The following SOX6 variants were observed in gnomAD, a reference collection of about 807,000 sequenced individuals.
SOX6 encodes transcription factor SOX-6.
Under a neutral mutation model 97.8 loss-of-function variants are expected in SOX6, and 11 were observed. The observed-to-expected ratio is 0.11, with a 90% CI of 0.07 to 0.19. The LOEUF is 0.19. Among genes scored for constraint, SOX6 ranks in the 10% least tolerant of loss-of-function variants. SOX6 has a pLI of 1.00. For missense variants in SOX6, 810 were observed against 1,039.5 expected, an observed-to-expected ratio of 0.78 and a Z score of 3.04; for synonymous variants, 360 against 371.4, an observed-to-expected ratio of 0.97 and a Z score of 0.35.
At chr11:16,462,357 C>A (rs1334105423) in intron 1 of SOX6, among the ~76,000 whole-genome samples, 1 of 152,180 alleles carries the variant, frequency 6.6e-6, no homozygotes, top group Non-Finnish European at 1.5e-5. Context: ...CTGGTACTGT[C>A]TTGGGAGTTT....
intron 1 of SOX6, among the ~76,000 whole-genome samples, chr11:16,418,443 T>G (rs1858966127): frequency 2.0e-5 from 3 of 152,126 alleles, no homozygotes; most frequent in Admixed American, 2.0e-4. Flanking sequence ...TACAGGGAAC[T>G]GTCAACTTGA....
intron 4 of SOX6, among the ~76,000 whole-genome samples, chr11:16,583,605 A>C (rs1225469452): frequency 2.9e-5 from 2 of 69,736 alleles, no homozygotes; most frequent in Non-Finnish European, 6.1e-5. Flanking sequence ...ATATATGTGT[A>C]TATATATACA....
chr11:16,685,925 C>T (rs1426994980), intron 3 of SOX6, among the ~76,000 whole-genome samples: 1 of 152,254 alleles, frequency 6.6e-6, no homozygotes, highest in Non-Finnish European at 1.5e-5. Flanking sequence ...ACAGGCTTAA[C>T]ACCATGTGAA....
chr11:16,165,933 A>T (rs1850877807), intron 6 of SOX6, among the ~76,000 whole-genome samples: 1 of 150,526 alleles, frequency 6.6e-6, no homozygotes, highest in Non-Finnish European at 1.5e-5. Context: ...CTAAATACAT[A>T]GCATTTAAGG....
Position 16,505,018 on chromosome 11 carries a change from A to G in SOX6, n.610-28630T>C, listed in dbSNP as rs374279914. Among the ~76,000 whole-genome samples the G allele has an allele frequency of 1.4e-4, 22 of 152,356 alleles. 1 individual carries two copies. In the South Asian group the frequency reaches 2.5e-3, roughly 17 times the overall value. On this transcript the variant is annotated intron_variant and non_coding_transcript_variant, in intron 4 of 5. Transcript: ENST00000524520. ...CAATTAGAGAATAAACTAATATAGAAATTTGCAAAAAGGAAAGTGGGACAT... is the reference window on the plus strand; with the variant it reads ...CAATTAGAGAATAAACTAATATAGAGATTTGCAAAAAGGAAAGTGGGACAT...
intron 3 of SOX6, among the ~76,000 whole-genome samples, chr11:16,295,982 T>C (rs538858426): frequency 2.4e-4 from 37 of 152,252 alleles, no homozygotes; most frequent in Non-Finnish European, 4.9e-4. Flanking sequence ...GCACAGTAAT[T>C]GGACTAAAAT....
chr11:16,463,229 T>G (rs1859965530), intron 1 of SOX6, among the ~76,000 whole-genome samples: 1 of 152,212 alleles, frequency 6.6e-6, no homozygotes, highest in South Asian at 2.1e-4. Flanking sequence ...TTTCATTCAT[T>G]CCTTCCTTGT....
intron 3 of SOX6, among the ~76,000 whole-genome samples, chr11:16,707,139 T>G (rs1281043522): frequency 1.3e-5 from 2 of 152,182 alleles, no homozygotes; most frequent in African/African-American, 4.8e-5. Flanking sequence ...ATAAAATCCT[T>G]AATATGGAAT....
chr11:16,416,610 T>G (rs1858930834), intron 1 of SOX6, among the ~76,000 whole-genome samples: 1 of 152,214 alleles, frequency 6.6e-6, no homozygotes. Context: ...ATTTGGACTT[T>G]AAGCATCCAC....
intron 4 of SOX6, among the ~76,000 whole-genome samples, chr11:16,539,755 C>A (rs1158977964): frequency 6.6e-6 from 1 of 152,164 alleles, no homozygotes; most frequent in Non-Finnish European, 1.5e-5. Context: ...CATACGCCCT[C>A]CTAACACTAA....
intron 3 of SOX6, among the ~76,000 whole-genome samples, chr11:16,289,549 G>T (rs770599157): frequency 3.3e-5 from 5 of 151,936 alleles, no homozygotes; most frequent in African/African-American, 9.7e-5. Context: ...AAATGAACAC[G>T]TCAGATTAGA....
chr11:16,002,141 C>T (rs923678470), intron 13 of SOX6, among the ~76,000 whole-genome samples: 3 of 152,138 alleles, frequency 2.0e-5, no homozygotes, highest in Non-Finnish European at 4.4e-5. Context: ...CTGATGGAGG[C>T]AGCTTAAACA....
chr11:16,074,398 A>G (rs1292183310), intron 9 of SOX6, among the ~76,000 whole-genome samples: 1 of 152,178 alleles, frequency 6.6e-6, no homozygotes, highest in East Asian at 1.9e-4. Context: ...CCAGGAAGAA[A>G]TCAAATCCCT....
At chr11:16,024,879 G>A (rs569981662) in intron 12 of SOX6, among the ~76,000 whole-genome samples, 1 of 152,102 alleles carries the variant, frequency 6.6e-6, no homozygotes, top group Admixed American at 6.6e-5. Flanking sequence ...GATTTGAAGA[G>A]TACTCCAAAA....
intron 3 of SOX6, among the ~76,000 whole-genome samples, chr11:16,255,968 G>A (rs899634822): frequency 5.3e-5 from 8 of 151,838 alleles, no homozygotes; most frequent in African/African-American, 1.2e-4. Context: ...TAGCCTAGAT[G>A]AAATGAACTA....
At chr11:16,242,118 C>T (rs991862937) in intron 3 of SOX6, among the ~76,000 whole-genome samples, 1 of 152,004 alleles carries the variant, frequency 6.6e-6, no homozygotes, top group Non-Finnish European at 1.5e-5. Context: ...ACTTGTACTA[C>T]CACATTGAAA....
At chr11:16,458,160 T>G (rs1450097219) in intron 1 of SOX6, among the ~76,000 whole-genome samples, 1 of 152,012 alleles carries the variant, frequency 6.6e-6, no homozygotes, top group East Asian at 1.9e-4. Flanking sequence ...CTCTCTTTCC[T>G]TCCCAATCAA....
chr11:16,441,266 A>C (rs1267714942), intron 1 of SOX6, among the ~76,000 whole-genome samples: 9 of 152,188 alleles, frequency 5.9e-5, no homozygotes, highest in Admixed American at 5.9e-4. Flanking sequence ...AACATTAATA[A>C]AACTAATAAA....
intron 3 of SOX6, among the ~76,000 whole-genome samples, chr11:16,308,915 G>C (rs372891459): frequency 3.3e-5 from 5 of 152,116 alleles, no homozygotes; most frequent in Non-Finnish European, 5.9e-5. Context: ...TGCAGTGAAG[G>C]GTCCATCAAA....
Sources: gnomAD v4.1 joint callset for allele counts (sites outside exome capture counted in the v4.1 genomes callset) on GRCh38, gnomAD v4.1.1 for gene constraint, MANE v1.5 for transcripts, NCBI Gene and HGNC (gene_info 2026-07-23, HGNC 2026-07-21) for gene names.